HCK: variants seen among roughly 807,000 people sequenced by gnomAD.
HCK encodes HCK proto-oncogene, Src family tyrosine kinase.
In HCK, 40 loss-of-function variants were observed where a neutral mutation model predicts 70.4. The observed-to-expected ratio is 0.57, with a 90% CI of 0.44 to 0.74. The LOEUF (loss-of-function observed/expected upper bound fraction) is 0.74, where lower values mean the gene tolerates loss of function less well. HCK is among the 30% of genes least tolerant of loss of function. HCK has a pLI of 0.00. For missense variants in HCK, 568 were observed against 697.2 expected (o/e 0.81, Z 2.09); for synonymous variants, 245 against 263.2 (o/e 0.93, Z 0.67).
intron 11 of HCK, 106 bp downstream of exon 11, chr20:32,094,122 G>C: frequency 9.6e-7 from 1 of 1,038,652 alleles, no homozygotes; most frequent in Non-Finnish European, 1.4e-6. Flanking sequence ...GACTGCCCCA[G>C]TACTAGCTGT....
chr20:32,065,452 A>G (rs1228707787), intron 1 of HCK, among the ~76,000 whole-genome samples: 1 of 152,156 alleles, frequency 6.6e-6, no homozygotes, highest in Non-Finnish European at 1.5e-5. Context: ...GGCCTCAGGC[A>G]TAGCTGGATC....
At chr20:32,060,994 T>G (rs148202112) in intron 1 of HCK, among the ~76,000 whole-genome samples, 24 of 150,362 alleles carry the variant, frequency 1.6e-4, no homozygotes, top group African/African-American at 5.7e-4. Flanking sequence ...TTTTATTTTG[T>G]TTTTTTTGAG....
intron 1 of HCK, among the ~76,000 whole-genome samples, chr20:32,065,547 C>G (rs918058970): frequency 6.6e-6 from 1 of 152,202 alleles, no homozygotes; most frequent in African/African-American, 2.4e-5. Flanking sequence ...TCTAAAGCAG[C>G]TTTTACCTTG....
Position 32,088,562 on chromosome 20 carries a change from A to C in HCK, c.1016-6A>C, listed in dbSNP as rs759520283. On this transcript the variant is annotated splice_region_variant and splice_polypyrimidine_tract_variant and intron_variant, in intron 9 of 12. Coordinates refer to ENST00000375852, the MANE Select transcript of HCK (RefSeq NM_002110.5). Reference sequence around the variant, plus strand: ...AGTAAATGTTCCTCCCCTCTCCCCCATATAGGAAGCTTGCTGGACTTTCTG... The same window carrying C: ...AGTAAATGTTCCTCCCCTCTCCCCCCTATAGGAAGCTTGCTGGACTTTCTG... 122 of 1,609,968 alleles carry C rather than the reference A, an allele frequency of 7.6e-5. No individual in the cohort carries two copies. The highest frequency in any genetic ancestry group is 7.9e-5 in the Non-Finnish European group (93 of 1,178,472).
rs541557251 is a variant in HCK at position 32,089,676 on chromosome 20, G to A, written c.1092+1032G>A. ...GCTCCTCTCACCCCCAGCCTAAGCA[G>A]TTTTTTCACTTCTGTCCTCTCTCAT... On this transcript the variant is annotated intron_variant, in intron 10 of 12. Transcript: ENST00000375852. 7.9e-5 allele frequency among the ~76,000 whole-genome samples: 12 copies of A among 152,320 alleles called. No individual in the cohort carries two copies. In the South Asian group the frequency reaches 2.5e-3, roughly 32 times the overall value.
In HCK at chr20:32,071,645, C is replaced by T. The variant is rs1310644161; in HGVS notation, c.63-17C>T. ...GCTCTTGGTAACTGGGGCTCACCTC[C>T]CTTCTGTCTGCTGCAGGATGGGGTG... On this transcript the variant is annotated splice_polypyrimidine_tract_variant and intron_variant, in intron 1 of 12. Transcript: ENST00000375852. 1.2e-6 allele frequency: 2 copies of T among 1,612,438 alleles called. No homozygotes were observed. The highest frequency in any genetic ancestry group is 1.7e-6 in the Non-Finnish European group (2 of 1,179,232).
chr20:32,056,109 T>C (rs1045025140), intron 1 of HCK, among the ~76,000 whole-genome samples: 13 of 152,244 alleles, frequency 8.5e-5, no homozygotes, highest in Admixed American at 6.5e-5. Flanking sequence ...TTTTGACCAT[T>C]GAAAATAATA....
chr20:32,069,649 C>G (rs1386388057), intron 1 of HCK: 1 of 493,220 alleles, frequency 2.0e-6, no homozygotes, highest in Non-Finnish European at 3.8e-6. Flanking sequence ...ATCCAGCACT[C>G]CAAGAGTCTG....
At chr20:32,079,981 C>A in intron 6 of HCK, 104 bp downstream of exon 6, 1 of 820,730 alleles carries the variant, frequency 1.2e-6, no homozygotes, top group Non-Finnish European at 2.0e-6. Context: ...CTGAAAAACC[C>A]AACCAGGTGC....
At chr20:32,074,568 A>G (rs2045594061) in intron 4 of HCK, 55 bp from the exon 5 acceptor site, 4 of 1,311,734 alleles carry the variant, frequency 3.0e-6, no homozygotes, top group Non-Finnish European at 4.4e-6. Context: ...GAGCTTGAGG[A>G]GACTGGAGAA....
intron 12 of HCK, among the ~76,000 whole-genome samples, chr20:32,099,350 C>CTTTTTTTTTTTTTTTTTTTTTTTTTTT (rs71336559): frequency 5.9e-5 from 5 of 85,134 alleles, no homozygotes; most frequent in African/African-American, 2.6e-4. Flanking sequence ...ACTCCTATGA[C>CTTTTTTTTTTTTTTTTTTTTTTTTTTT]TTTTTTTTTT....
At chr20:32,084,109 A>T in intron 7 of HCK, 66 bp downstream of exon 7, 1 of 1,544,428 alleles carries the variant, frequency 6.5e-7, no homozygotes, top group East Asian at 2.3e-5. Flanking sequence ...TCACGGATGC[A>T]CTGTGGCCCC....
At chr20:32,057,197 C>T (rs1292114308) in intron 1 of HCK, among the ~76,000 whole-genome samples, 1 of 152,208 alleles carries the variant, frequency 6.6e-6, no homozygotes, top group African/African-American at 2.4e-5. Flanking sequence ...CTTGCACAGC[C>T]CTTGCCAGGC....
rs907162800 is a variant in HCK at position 32,052,392 on chromosome 20, C to A, written c.-33C>A. ...TAGTTCTAGAAAGTCAGTTTCCCGG[C>A]ACTGGCACCCCGGAACCTCAGGGGC... On this transcript the variant is annotated 5_prime_UTR_variant, in exon 1 of 13. Coordinates refer to ENST00000375852, the MANE Select transcript of HCK (RefSeq NM_002110.5). The A allele has an allele frequency of 2.0e-5, 26 of 1,282,064 alleles. No homozygotes were observed. The highest frequency in any genetic ancestry group is 2.6e-5 in the Non-Finnish European group (26 of 1,004,256). The allele number at this position is 1,282,064 out of a possible 1,614,324, so 79.4% of individuals were successfully genotyped here.
chr20:32,053,472 T>C (rs1210202101), intron 1 of HCK, among the ~76,000 whole-genome samples: 1 of 151,750 alleles, frequency 6.6e-6, no homozygotes, highest in African/African-American at 2.4e-5. Context: ...ACCCCGTCTC[T>C]ACTAAAAGTA....
intron 8 of HCK, among the ~76,000 whole-genome samples, chr20:32,085,015 A>G (rs2045763329): frequency 6.6e-6 from 1 of 152,224 alleles, no homozygotes; most frequent in South Asian, 2.1e-4. Context: ...GATTTTCCCC[A>G]AGAACTTAAG....
chr20:32,052,570 G>C, intron 1 of HCK, 84 bp downstream of exon 1: 1 of 1,032,470 alleles, frequency 9.7e-7, no homozygotes. Flanking sequence ...CCTGGGGAGG[G>C]CTGGCTACGG....
intron 6 of HCK, among the ~76,000 whole-genome samples, chr20:32,080,302 G>T (rs561630206): frequency 5.9e-5 from 9 of 152,104 alleles, no homozygotes; most frequent in African/African-American, 2.2e-4. Context: ...AGGTTTGAGC[G>T]ATTCTCCTGC....
chr20:32,072,046 C>T, intron 2 of HCK: 1 of 476,662 alleles, frequency 2.1e-6, no homozygotes. Context: ...GTGAGCATCT[C>T]AGGCCTCCGG....
Sources: allele counts gnomAD v4.1 joint callset (sites outside exome capture counted in the v4.1 genomes callset), GRCh38; gene constraint gnomAD v4.1.1; transcripts MANE v1.5; gene names NCBI Gene and HGNC (gene_info 2026-07-23, HGNC 2026-07-21).